Variants in LRCH1 observed in about 807,000 individuals in gnomAD.
The protein encoded by LRCH1 is leucine-rich repeat and calponin homology domain-containing protein 1.
LRCH1 carries 23 observed loss-of-function variants against 94.9 expected under a neutral mutation model. That is an observed-to-expected ratio of 0.24 (90% CI 0.17 to 0.34). The LOEUF is 0.34. Ranked by LOEUF, LRCH1 falls within the 10% of genes least tolerant of loss-of-function variation. The pLI, the probability that LRCH1 is intolerant of heterozygous loss-of-function variation, is 1.00. For missense variants in LRCH1, 790 were observed against 945.9 expected (o/e 0.84, Z 2.16); for synonymous variants, 364 against 354.9 (o/e 1.03, Z -0.29).
At chr13:46,621,354 G>C (rs570672983) in intron 1 of LRCH1, among the ~76,000 whole-genome samples, 80 of 152,304 alleles carry the variant, frequency 5.3e-4, no homozygotes, top group Non-Finnish European at 7.6e-4. Flanking sequence ...ATGCACATTT[G>C]TCAAATGAAT....
intron 3 of LRCH1, among the ~76,000 whole-genome samples, chr13:46,670,023 C>T (rs184596297): frequency 6.6e-5 from 10 of 152,288 alleles, no homozygotes; most frequent in African/African-American, 1.9e-4. Flanking sequence ...TGGGGCCACC[C>T]GGAGCACCAC....
At chr13:46,704,334 C>A (rs1409098234) in intron 11 of LRCH1, among the ~76,000 whole-genome samples, 6 of 151,838 alleles carry the variant, frequency 4.0e-5, no homozygotes, top group Non-Finnish European at 8.8e-5. Context: ...TTTAGTTAAG[C>A]CATTGATTGT....
intron 3 of LRCH1, among the ~76,000 whole-genome samples, chr13:46,671,019 C>G (rs2051594065): frequency 6.6e-6 from 1 of 152,220 alleles, no homozygotes; most frequent in African/African-American, 2.4e-5. Flanking sequence ...ACAGGGCATT[C>G]GAGGCCTTCT....
At chr13:46,686,066 A>G (rs778262663) in intron 5 of LRCH1, 25 bp downstream of exon 5, 3 of 1,524,408 alleles carry the variant, frequency 2.0e-6, no homozygotes, top group East Asian at 2.4e-5. Flanking sequence ...AGCAAAGCCA[A>G]TGCCCCATGG....
chr13:46,602,018 A>C (rs2137984334), intron 1 of LRCH1, among the ~76,000 whole-genome samples: 1 of 152,324 alleles, frequency 6.6e-6, no homozygotes, highest in Non-Finnish European at 1.5e-5. Flanking sequence ...TTGTCATATA[A>C]ATTAAAGATC....
rs1438984548 is a variant in LRCH1 at position 46,553,428 on chromosome 13, T to C, written c.32T>C (p.Phe11Ser). The change falls in exon 1 of 20, where the codon TTC becomes TCC. Residue 11 changes from phenylalanine (F) to serine (S), a missense_variant. Phe to Ser is a radical substitution (Grantham distance 155). This residue lies in a region of LRCH1 where 136 missense variants were observed against 143.5 expected (regional missense o/e 0.95). Transcript: ENST00000389797. MATPGSEPQP[F>S]VPALSVATLH... ...ACGCCGGGAAGCGAACCCCAACCTT[T>C]CGTCCCGGCCCTTTCGGTAGCTACT... The C allele has an allele frequency of 5.8e-6, 9 of 1,547,084 alleles. No individual in the cohort carries two copies. The highest frequency in any genetic ancestry group is 7.9e-6 in the Non-Finnish European group (9 of 1,146,050).
intron 8 of LRCH1, 68 bp downstream of exon 8, chr13:46,692,709 G>T: frequency 8.6e-7 from 1 of 1,162,642 alleles, no homozygotes; most frequent in Non-Finnish European, 1.3e-6. Context: ...AAAATAACCT[G>T]TGCACAGATA....
At chr13:46,637,280 G>A (rs2051103066) in intron 1 of LRCH1, among the ~76,000 whole-genome samples, 1 of 152,084 alleles carries the variant, frequency 6.6e-6, no homozygotes, top group South Asian at 2.1e-4. Context: ...CATTGCTTGG[G>A]TTGTCACCTC....
rs766547620 is a variant in LRCH1, at chr13:46,712,573, C to T, written c.1630C>T (p.Pro544Ser). 6.2e-7 allele frequency: 1 copy of T among 1,613,972 alleles called. No homozygotes were observed. The highest frequency in any genetic ancestry group is 8.5e-7 in the Non-Finnish European group (1 of 1,179,840). The change falls in exon 15 of 20, where the codon CCA becomes TCA. Residue 544 changes from proline to serine, a missense_variant. Physicochemically the swap from Pro to Ser is moderately conservative, Grantham distance 74. Transcript: ENST00000389797. Reference protein sequence around the residue: ...AVSPTTNSTAPFGLKPRSDPA... With the variant: ...AVSPTTNSTASFGLKPRSDPA... ...CTCTCCTACCACAAACAGCACAGCTCCATTTGGCCTGAAGCCTCGATCAGG... is the reference window on the plus strand; with the variant it reads ...CTCTCCTACCACAAACAGCACAGCTTCATTTGGCCTGAAGCCTCGATCAGG...
chr13:46,627,925 T>C (rs1226882421), intron 1 of LRCH1, among the ~76,000 whole-genome samples: 1 of 152,214 alleles, frequency 6.6e-6, no homozygotes, highest in Non-Finnish European at 1.5e-5. Context: ...AATATACATA[T>C]TCCTGAAAAC....
At chr13:46,747,288 A>G (rs905752242), downstream of LRCH1, among the ~76,000 whole-genome samples, 2 of 152,010 alleles carry the variant, frequency 1.3e-5, no homozygotes, top group African/African-American at 4.8e-5. Context: ...CAGTCTGTGA[A>G]GTGTCCAAAT....
intron 4 of LRCH1, among the ~76,000 whole-genome samples, chr13:46,682,548 G>A (rs927941827): frequency 2.0e-5 from 3 of 152,124 alleles, no homozygotes; most frequent in Admixed American, 6.5e-5. Flanking sequence ...GTGAAATTTC[G>A]GGGACATACT....
chr13:46,725,963 T>A (rs1872795384), intron 17 of LRCH1, among the ~76,000 whole-genome samples: 1 of 152,234 alleles, frequency 6.6e-6, no homozygotes, highest in Non-Finnish European at 1.5e-5. Context: ...GATATAAAAT[T>A]AGAGCCTGAA....
Position 46,685,966 on chromosome 13 carries a change from A to G in LRCH1, c.747A>G (p.Pro249=). 6.2e-7 allele frequency: 1 copy of G among 1,610,992 alleles called. No individual in the cohort carries two copies. The highest frequency in any genetic ancestry group is 2.2e-5 in the East Asian group (1 of 44,762). ...CCTGCAACAAAGTGCTCGTGATTCCAATTTGTTTTAGAGAGATGAAGCAGC... is the reference window on the plus strand; with the variant it reads ...CCTGCAACAAAGTGCTCGTGATTCCGATTTGTTTTAGAGAGATGAAGCAGC... ...DFSCNKVLVI[P]ICFREMKQLQ... The change falls in exon 5 of 20, where the codon CCA becomes CCG. Residue 249 remains proline, a synonymous_variant. Coordinates refer to ENST00000389797, the MANE Select transcript of LRCH1 (RefSeq NM_001164211.2).
At chr13:46,585,569 A>C (rs1002531786) in intron 1 of LRCH1, among the ~76,000 whole-genome samples, 14 of 150,332 alleles carry the variant, frequency 9.3e-5, no homozygotes, top group South Asian at 6.5e-4. Flanking sequence ...AAAAAAAAAA[A>C]AACAAAAAAA....
chr13:46,749,405 A>G (rs1219112571), downstream of LRCH1, among the ~76,000 whole-genome samples: 1 of 152,180 alleles, frequency 6.6e-6, no homozygotes, highest in African/African-American at 2.4e-5. Flanking sequence ...GGATAGGAAG[A>G]TATTGGTCAA....
chr13:46,719,655 C>T (rs1271166221), intron 16 of LRCH1, among the ~76,000 whole-genome samples: 1 of 152,216 alleles, frequency 6.6e-6, no homozygotes, highest in East Asian at 1.9e-4. Flanking sequence ...CCATGCTTAT[C>T]TCTTCTGCTA....
At chr13:46,730,115 G>A (rs745724874) in intron 18 of LRCH1, among the ~76,000 whole-genome samples, 2 of 152,134 alleles carry the variant, frequency 1.3e-5, no homozygotes, top group Non-Finnish European at 2.9e-5. Context: ...TACAAATAGA[G>A]AAAAAAGTAT....
chr13:46,725,375 G>A (rs1288487195), intron 17 of LRCH1, among the ~76,000 whole-genome samples: 2 of 152,174 alleles, frequency 1.3e-5, no homozygotes, highest in African/African-American at 2.4e-5. Context: ...AAGAAAGAAA[G>A]GTTCTTGGAG....
Sources: gnomAD v4.1 joint callset for allele counts (sites outside exome capture counted in the v4.1 genomes callset) on GRCh38, gnomAD v4.1.1 for gene constraint, gnomAD v4.1.1 regional missense constraint, MANE v1.5 for transcripts, NCBI Gene and HGNC (gene_info 2026-07-23, HGNC 2026-07-21) for gene names.